The following CARMIL1 variants were observed in gnomAD, a reference collection of about 807,000 sequenced individuals.
CARMIL1 encodes F-actin-uncapping protein LRRC16A.
In CARMIL1, 90 loss-of-function variants were observed where a neutral mutation model predicts 177.1. That is an observed-to-expected ratio of 0.51 (90% CI 0.43 to 0.61). The LOEUF is 0.61. Ranked by LOEUF, CARMIL1 falls within the 20% of genes least tolerant of loss-of-function variation. The pLI, the probability that CARMIL1 is intolerant of heterozygous loss-of-function variation, is 0.00. For synonymous variants in CARMIL1, 577 were observed against 606.2 expected, an observed-to-expected ratio of 0.95 and a Z score of 0.71; for missense variants, 1,380 against 1,667.0, an observed-to-expected ratio of 0.83 and a Z score of 3.00.
chr6:25,409,574 C>G (rs535971719), intron 2 of CARMIL1, among the ~76,000 whole-genome samples: 1 of 152,284 alleles, frequency 6.6e-6, no homozygotes, highest in South Asian at 2.1e-4. Flanking sequence ...TTCTTGCCAT[C>G]TTACCAGCTG....
chr6:25,280,550 C>T (rs1781004270), intron 1 of CARMIL1, among the ~76,000 whole-genome samples: 1 of 149,702 alleles, frequency 6.7e-6, no homozygotes, highest in African/African-American at 2.5e-5. Context: ...GTGTGTGTTA[C>T]GCTGTGCAAG....
chr6:25,616,074 A>G (rs536433819), intron 36 of CARMIL1, among the ~76,000 whole-genome samples: 12 of 152,332 alleles, frequency 7.9e-5, no homozygotes, highest in African/African-American at 2.9e-4. Flanking sequence ...TAACTTTAGT[A>G]GTATGTAAAA....
chr6:25,319,147 A>C (rs1784497817), intron 2 of CARMIL1, among the ~76,000 whole-genome samples: 1 of 152,172 alleles, frequency 6.6e-6, no homozygotes, highest in Non-Finnish European at 1.5e-5. Context: ...AAGCCTATAG[A>C]AGCCTTCCTT....
At chr6:25,355,031 G>T (rs1788449980) in intron 2 of CARMIL1, among the ~76,000 whole-genome samples, 1 of 152,172 alleles carries the variant, frequency 6.6e-6, no homozygotes, top group Admixed American at 6.5e-5. Flanking sequence ...ATTCTGGAGG[G>T]ATGTACATCT....
chr6:25,420,424 C>A, intron 3 of CARMIL1: 1 of 416,990 alleles, frequency 2.4e-6, no homozygotes, highest in Non-Finnish European at 4.3e-6. Flanking sequence ...TGTTCCCTCT[C>A]TTTGTGTAAA....
At chr6:25,495,979 TC>T (rs1379768084) in intron 16 of CARMIL1, among the ~76,000 whole-genome samples, 1 of 152,198 alleles carries the variant, frequency 6.6e-6, no homozygotes, top group Non-Finnish European at 1.5e-5. Flanking sequence ...ATTTCTCCCT[TC>T]CCAGCTGACT....
At chr6:25,320,281 C>T (rs1474792576) in intron 2 of CARMIL1, among the ~76,000 whole-genome samples, 4 of 152,172 alleles carry the variant, frequency 2.6e-5, no homozygotes, top group Admixed American at 2.6e-4. Context: ...TCTTTGGCCA[C>T]ATCTACCAAA....
chr6:25,568,050 A>G (rs546236829), intron 29 of CARMIL1, among the ~76,000 whole-genome samples: 1 of 152,358 alleles, frequency 6.6e-6, no homozygotes, highest in Non-Finnish European at 1.5e-5. Flanking sequence ...ATCAAAATAT[A>G]AAATAAATGG....
chr6:25,286,558 T>A (rs2150131934), intron 2 of CARMIL1, among the ~76,000 whole-genome samples: 1 of 152,376 alleles, frequency 6.6e-6, no homozygotes. Flanking sequence ...ACAATGATTG[T>A]GCTATTTTTT....
At chr6:25,331,811 G>C (rs1221444197) in intron 2 of CARMIL1, among the ~76,000 whole-genome samples, 1 of 152,150 alleles carries the variant, frequency 6.6e-6, no homozygotes, top group Non-Finnish European at 1.5e-5. Context: ...GTGAAGTTCA[G>C]GTCCATGTTG....
chr6:25,553,169 T>A (rs899423179), intron 27 of CARMIL1, among the ~76,000 whole-genome samples: 4 of 152,210 alleles, frequency 2.6e-5, no homozygotes, highest in African/African-American at 7.2e-5. Flanking sequence ...ATTTTCAACG[T>A]TAGCTTATGC....
At chr6:25,303,969 T>C (rs1453564769) in intron 2 of CARMIL1, among the ~76,000 whole-genome samples, 1 of 152,262 alleles carries the variant, frequency 6.6e-6, no homozygotes, top group East Asian at 1.9e-4. Context: ...GTCTCCTCAT[T>C]ATAAATGTTT....
chr6:25,413,241 G>A (rs376821267), intron 2 of CARMIL1, among the ~76,000 whole-genome samples: 1 of 152,324 alleles, frequency 6.6e-6, no homozygotes, highest in East Asian at 1.9e-4. Context: ...GGGAATGATG[G>A]CATTCATCAT....
chr6:25,287,071 T>G (rs1395314438), intron 2 of CARMIL1, among the ~76,000 whole-genome samples: 1 of 152,228 alleles, frequency 6.6e-6, no homozygotes, highest in Non-Finnish European at 1.5e-5. Context: ...AAGGTCTGGC[T>G]TTCTTTGACA....
chr6:25,299,852 C>T (rs1027712056), intron 2 of CARMIL1, among the ~76,000 whole-genome samples: 5 of 151,848 alleles, frequency 3.3e-5, no homozygotes, highest in Non-Finnish European at 7.4e-5. Flanking sequence ...GTGGCGGGTG[C>T]CTGTAATCCT....
chr6:25,580,594 G>A (rs1335474087), intron 29 of CARMIL1, among the ~76,000 whole-genome samples: 1 of 152,118 alleles, frequency 6.6e-6, no homozygotes. Flanking sequence ...TCAGTTTTTC[G>A]TGACTGATTT....
In CARMIL1 at chr6:25,431,952, A is replaced by G. The variant is rs116408553; in HGVS notation, c.250-3531A>G. On this transcript the variant is annotated intron_variant, in intron 4 of 36. Transcript: ENST00000329474. ...ATGGCCTAGCAATTCAGAGACTGGC[A>G]ATACTAGTAACCTAATGGTATTCAA... 4.7e-3 allele frequency among the ~76,000 whole-genome samples: 717 copies of G among 152,322 alleles called. 9 individuals are homozygous for G. The highest frequency in any genetic ancestry group is 0.016 in the African/African-American group (681 of 41,564).
In CARMIL1 at chr6:25,279,718, A is replaced by G; in HGVS notation, c.-78A>G. 3 of 1,407,230 alleles carry G rather than the reference A, an allele frequency of 2.1e-6. No homozygotes were observed. Among genetic ancestry groups the G allele is most frequent in the Non-Finnish European group, 3.0e-6 (3 of 991,614 alleles). The allele number at this position is 1,407,230 out of a possible 1,614,324, so 87.2% of individuals were successfully genotyped here. On this transcript the variant is annotated 5_prime_UTR_variant, in exon 1 of 37. Transcript: ENST00000329474. ...AAGCTGCATCTGCCTCTCTAAAAAA[A>G]TTGAGGAGTTCGGGGAAGGGCAGGG...
chr6:25,343,089 A>G (rs1031011069), intron 2 of CARMIL1, among the ~76,000 whole-genome samples: 1 of 152,174 alleles, frequency 6.6e-6, no homozygotes, highest in Non-Finnish European at 1.5e-5. Flanking sequence ...AATGCACCTC[A>G]TTGGGTGTTT....
Sources: allele counts gnomAD v4.1 joint callset (sites outside exome capture counted in the v4.1 genomes callset), GRCh38; gene constraint gnomAD v4.1.1; transcripts MANE v1.5; gene names NCBI Gene and HGNC (gene_info 2026-07-23, HGNC 2026-07-21).